Variants in TCF7L2 observed in about 807,000 individuals in gnomAD.
TCF7L2 encodes the protein transcription factor 7-like 2.
TCF7L2 carries 23 observed loss-of-function variants against 77.9 expected under a neutral mutation model. The ratio of observed to expected loss-of-function variants is 0.30; its 90% CI spans 0.21 to 0.42. The LOEUF (loss-of-function observed/expected upper bound fraction) is 0.42. TCF7L2 is among the 10% of genes least tolerant of loss of function. TCF7L2 has a pLI of 1.00. For missense variants in TCF7L2, 654 were observed against 793.1 expected (o/e 0.82, Z 2.11); for synonymous variants, 413 against 340.2 (o/e 1.21, Z -2.36).
At chr10:113,148,955 C>T (rs1229644649) in intron 8 of TCF7L2, among the ~76,000 whole-genome samples, 1 of 152,218 alleles carries the variant, frequency 6.6e-6, no homozygotes, top group Non-Finnish European at 1.5e-5. Flanking sequence ...TATGTACACA[C>T]ACGTACACAC....
intron 5 of TCF7L2, among the ~76,000 whole-genome samples, chr10:113,043,107 G>A (rs1181256461): frequency 1.3e-5 from 2 of 152,216 alleles, no homozygotes; most frequent in East Asian, 1.9e-4. Flanking sequence ...TTTGGGCCAA[G>A]CTATTTCATA....
At chr10:113,045,861 T>G (rs2053351783) in intron 5 of TCF7L2, among the ~76,000 whole-genome samples, 1 of 152,196 alleles carries the variant, frequency 6.6e-6, no homozygotes, top group East Asian at 1.9e-4. Context: ...GTCAGAACTT[T>G]CCCATTTCGC....
At chr10:113,034,855 C>G (rs531038801) in intron 4 of TCF7L2, among the ~76,000 whole-genome samples, 1 of 152,312 alleles carries the variant, frequency 6.6e-6, no homozygotes, top group Admixed American at 6.5e-5. Flanking sequence ...GAGCTTGCGT[C>G]ACTGCACTCC....
At chr10:113,010,377 T>C (rs551103290) in intron 4 of TCF7L2, among the ~76,000 whole-genome samples, 249 of 152,292 alleles carry the variant, frequency 1.6e-3, no homozygotes, top group Non-Finnish European at 6.6e-4. Context: ...GGGCCCACTT[T>C]GGGAGGAGCC....
At chr10:113,110,004 A>G (rs998544755) in intron 5 of TCF7L2, among the ~76,000 whole-genome samples, 2 of 152,236 alleles carry the variant, frequency 1.3e-5, no homozygotes, top group Non-Finnish European at 2.9e-5. Context: ...TAGCTTTGCT[A>G]TGCTTACATT....
intron 5 of TCF7L2, among the ~76,000 whole-genome samples, chr10:113,122,507 C>A (rs1333790140): frequency 6.6e-6 from 1 of 152,160 alleles, no homozygotes; most frequent in Non-Finnish European, 1.5e-5. Flanking sequence ...TATCTATATA[C>A]CATTTCAGAT....
chr10:113,138,883 A>G (rs2067852117), intron 5 of TCF7L2, among the ~76,000 whole-genome samples: 1 of 152,084 alleles, frequency 6.6e-6, no homozygotes, highest in African/African-American at 2.4e-5. Flanking sequence ...GAGATTTCCT[A>G]GGATTGGGGA....
chr10:112,990,839 T>G (rs927347543), intron 4 of TCF7L2, among the ~76,000 whole-genome samples: 5 of 152,220 alleles, frequency 3.3e-5, no homozygotes, highest in African/African-American at 9.6e-5. Flanking sequence ...TCAATGGGTT[T>G]TGAGTGCCAA....
At chr10:112,984,605 G>A (rs944483527) in intron 4 of TCF7L2, among the ~76,000 whole-genome samples, 5 of 151,770 alleles carry the variant, frequency 3.3e-5, no homozygotes, top group Non-Finnish European at 7.4e-5. Flanking sequence ...TATTTCCCCA[G>A]GCAGTGCATT....
rs139385799 is a variant in TCF7L2 at position 113,156,685 on chromosome 10, G to A, written c.1270-1336G>A. 4.2e-3 allele frequency among the ~76,000 whole-genome samples: 643 copies of A among 152,320 alleles called. 10 individuals are homozygous for A. The highest frequency in any genetic ancestry group is 0.015 in the African/African-American group (610 of 41,574). ...CAACCTCGAGCAGATGGATCAGGTT[G>A]GAGAATATGAAAGACTCCATGCAGT... On this transcript the variant is annotated intron_variant, in intron 11 of 13. Coordinates refer to ENST00000627217, the MANE Select transcript of TCF7L2 (RefSeq NM_001146274.2).
In TCF7L2 at chr10:113,151,767, C is replaced by T. The variant is rs150691578; in HGVS notation, c.1044C>T (p.Pro348=). 6 of 1,609,844 alleles carry T rather than the reference C, an allele frequency of 3.7e-6. No homozygotes were observed. The highest frequency in any genetic ancestry group is 5.1e-6 in the Non-Finnish European group (6 of 1,179,088). ...AAAAGGAAGAAGAAAAGAAGAAGCC[C>T]CACATAAAGAAACCTCTTAATGCAT... The change falls in exon 10 of 14, where the codon CCC becomes CCT. Residue 348 remains proline (P), a synonymous_variant. Transcript: ENST00000627217. This position sits in a 1 kb window ranked among gnomAD's most constrained non-coding sequence, Gnocchi z 5.2.
chr10:113,090,054 G>T (rs180743718), intron 5 of TCF7L2, among the ~76,000 whole-genome samples: 26 of 152,230 alleles, frequency 1.7e-4, no homozygotes, highest in Non-Finnish European at 1.0e-4. Flanking sequence ...GGCTTTACTC[G>T]CAGATGTTGC....
At chr10:113,053,805 C>T (rs560734697) in intron 5 of TCF7L2, among the ~76,000 whole-genome samples, 11 of 152,302 alleles carry the variant, frequency 7.2e-5, no homozygotes, top group South Asian at 2.1e-4. Context: ...ATCCTCACAA[C>T]GCCCTTATGA....
chr10:113,035,643 G>A (rs1159809608), intron 4 of TCF7L2, among the ~76,000 whole-genome samples: 4 of 152,126 alleles, frequency 2.6e-5, no homozygotes, highest in African/African-American at 7.2e-5. Context: ...GCAATCTTCC[G>A]GCCTTGGCCT....
intron 3 of TCF7L2, among the ~76,000 whole-genome samples, chr10:112,959,798 TATAATGG>T (rs2034598527): frequency 6.6e-6 from 1 of 152,096 alleles, no homozygotes; most frequent in Non-Finnish European, 1.5e-5. Context: ...AAGCTGGGCT[TATAATGG>T]CCTGTGGTTG....
chr10:113,118,875 ATAAAT>A (rs1217982722), intron 5 of TCF7L2, among the ~76,000 whole-genome samples: 1 of 152,138 alleles, frequency 6.6e-6, no homozygotes, highest in Non-Finnish European at 1.5e-5. Context: ...TTTCTAGATG[ATAAAT>A]TTAATTTTCT....
At chr10:113,131,185 G>T (rs1219895716) in intron 5 of TCF7L2, among the ~76,000 whole-genome samples, 3 of 152,168 alleles carry the variant, frequency 2.0e-5, no homozygotes, top group Non-Finnish European at 4.4e-5. Context: ...ATCTGCAGTG[G>T]TCGATAAGCT....
At position 113,166,276 on chromosome 10, in the gene TCF7L2, G is replaced by A. The variant is rs568854792; in HGVS notation, c.*304G>A. 60 of 271,348 alleles carry A rather than the reference G, an allele frequency of 2.2e-4. No individual in the cohort carries two copies. The highest frequency in any genetic ancestry group is 2.1e-3 in the Admixed American group (40 of 18,910). 16.8% of individuals were successfully genotyped at this position (271,348 alleles called of 1,614,324 possible). ...TATATACATAACTGTTATGTAGTTC[G>A]GATAGCTTAGTTTTAAAAGACTGAT... On this transcript the variant is annotated 3_prime_UTR_variant, in exon 14 of 14. Transcript: ENST00000627217.
chr10:112,965,616 T>A (rs1023508638), intron 4 of TCF7L2, among the ~76,000 whole-genome samples: 1 of 115,146 alleles, frequency 8.7e-6, no homozygotes, highest in Non-Finnish European at 1.8e-5. Flanking sequence ...ATAACTTGTC[T>A]GTGTGTGTGT....
Sources: gnomAD v4.1 joint callset for allele counts (sites outside exome capture counted in the v4.1 genomes callset) on GRCh38, gnomAD v4.1.1 for gene constraint, Gnocchi (gnomAD v3.1) non-coding constraint, MANE v1.5 for transcripts, NCBI Gene and HGNC (gene_info 2026-07-23, HGNC 2026-07-21) for gene names.